Variants in BRINP3 observed in about 807,000 individuals in gnomAD.
BRINP3 encodes BMP/retinoic acid-inducible neural-specific protein 3.
In BRINP3, 19 loss-of-function variants were observed where a neutral mutation model predicts 71.0. That is an observed-to-expected ratio of 0.27 (90% CI 0.19 to 0.39). The LOEUF (loss-of-function observed/expected upper bound fraction) is 0.39, where lower values mean the gene tolerates loss of function less well. Ranked by LOEUF, BRINP3 falls within the 10% of genes least tolerant of loss-of-function variation. The pLI, the probability that BRINP3 is intolerant of heterozygous loss-of-function variation, is 1.00. For missense variants in BRINP3, 959 were observed against 940.8 expected, an observed-to-expected ratio of 1.02 and a Z score of -0.25; for synonymous variants, 380 against 337.7, an observed-to-expected ratio of 1.13 and a Z score of -1.37.
rs1327849354 is a variant in BRINP3 at position 190,113,378 on chromosome 1, AT to A, written c.1185-14245del. ...AATGTCACTTCAGTTTATTATCTTT[AT>A]TTAGAGAGGGCGGAGATTGTGGAAC... On this transcript the variant is annotated intron_variant, in intron 7 of 7. Coordinates refer to ENST00000367462, the MANE Select transcript of BRINP3 (RefSeq NM_199051.3). Among the ~76,000 whole-genome samples, 18 of 152,130 alleles carry A rather than the reference AT, an allele frequency of 1.2e-4. No homozygotes were observed. In the East Asian group the frequency reaches 3.5e-3, roughly 29 times the overall value.
At chr1:190,150,801 T>C (rs1656324245) in intron 7 of BRINP3, among the ~76,000 whole-genome samples, 1 of 152,176 alleles carries the variant, frequency 6.6e-6, no homozygotes, top group South Asian at 2.1e-4. Flanking sequence ...GATTTTAAAA[T>C]ACTAGTCTAA....
At chr1:190,220,054 T>A (rs1363849176) in intron 6 of BRINP3, among the ~76,000 whole-genome samples, 1 of 151,754 alleles carries the variant, frequency 6.6e-6, no homozygotes, top group Non-Finnish European at 1.5e-5. Context: ...AAATAAATAA[T>A]GAAAAACTGT....
intron 1 of BRINP3, among the ~76,000 whole-genome samples, chr1:190,468,753 G>A (rs1169045012): frequency 1.3e-5 from 2 of 150,974 alleles, no homozygotes; most frequent in Admixed American, 1.3e-4. Context: ...GGAGGCTTAT[G>A]AATCCATAAA....
At chr1:190,465,104 T>G (rs1240704483) in intron 1 of BRINP3, among the ~76,000 whole-genome samples, 4 of 152,064 alleles carry the variant, frequency 2.6e-5, no homozygotes, top group African/African-American at 9.6e-5. Flanking sequence ...GAAATTATTC[T>G]TAAGAGCCCC....
intron 7 of BRINP3, among the ~76,000 whole-genome samples, chr1:190,125,985 A>G (rs957836800): frequency 8.1e-6 from 1 of 123,934 alleles, no homozygotes; most frequent in Non-Finnish European, 1.8e-5. Flanking sequence ...TACCAGCTAT[A>G]AAAGGCCTTC....
intron 6 of BRINP3, among the ~76,000 whole-genome samples, chr1:190,172,155 C>T (rs1265396364): frequency 1.4e-5 from 2 of 146,736 alleles, no homozygotes; most frequent in African/African-American, 5.1e-5. Context: ...TATAGTGGAA[C>T]TGCCTACTAG....
chr1:190,471,988 A>G (rs960655346), intron 1 of BRINP3, among the ~76,000 whole-genome samples: 1 of 151,558 alleles, frequency 6.6e-6, no homozygotes, highest in Non-Finnish European at 1.5e-5. Flanking sequence ...ACCACTGACC[A>G]AGAAGATTTG....
At chr1:190,461,803 C>T (rs1036018753) in intron 1 of BRINP3, among the ~76,000 whole-genome samples, 4 of 152,094 alleles carry the variant, frequency 2.6e-5, no homozygotes, top group African/African-American at 9.7e-5. Flanking sequence ...ATGAAAATAG[C>T]TTTGGCAGTT....
At chr1:190,391,289 T>C (rs1354214153) in intron 2 of BRINP3, among the ~76,000 whole-genome samples, 2 of 151,816 alleles carry the variant, frequency 1.3e-5, no homozygotes, top group Non-Finnish European at 2.9e-5. Context: ...GACAGTATTA[T>C]GGAGAATAAG....
At chr1:190,404,892 A>AAAT (rs1672161455) in intron 2 of BRINP3, among the ~76,000 whole-genome samples, 1 of 152,160 alleles carries the variant, frequency 6.6e-6, no homozygotes, top group Non-Finnish European at 1.5e-5. Context: ...CAGTTTGTCA[A>AAAT]CTGGCTTTAA....
intron 2 of BRINP3, among the ~76,000 whole-genome samples, chr1:190,366,635 G>C (rs1466067788): frequency 1.3e-5 from 2 of 152,094 alleles, no homozygotes; most frequent in African/African-American, 4.8e-5. Flanking sequence ...TCTGAGACAA[G>C]GCAAGTTCTT....
At position 190,462,197 on chromosome 1, in the gene BRINP3, A is replaced by ACAC. The variant is rs1405606251; in HGVS notation, c.-50-7260_-50-7258dup. Among the ~76,000 whole-genome samples the ACAC allele has an allele frequency of 6.6e-5, 10 of 152,220 alleles. No individual in the cohort carries two copies. The East Asian group carries it at 1.9e-3, about 29-fold the overall frequency. On this transcript the variant is annotated intron_variant, in intron 1 of 7. Coordinates refer to ENST00000367462, the MANE Select transcript of BRINP3 (RefSeq NM_199051.3). The stretch of plus-strand genomic sequence containing the variant: ...AAAGTGCTGGGATTACAGGCATGAG[A>ACAC]CACCATACCTGGCCCAAAGCAAGAT...
chr1:190,377,808 A>G (rs961651302), intron 2 of BRINP3, among the ~76,000 whole-genome samples: 1 of 151,908 alleles, frequency 6.6e-6, no homozygotes, highest in Non-Finnish European at 1.5e-5. Flanking sequence ...AATTACTTAG[A>G]AATAAATTTA....
intron 2 of BRINP3, among the ~76,000 whole-genome samples, chr1:190,374,909 A>G (rs1670091277): frequency 6.6e-6 from 1 of 152,160 alleles, no homozygotes; most frequent in East Asian, 1.9e-4. Flanking sequence ...TTTTGGAAAC[A>G]AGGTCAACAA....
At chr1:190,104,999 T>A (rs1557970362) in intron 7 of BRINP3, among the ~76,000 whole-genome samples, 1 of 152,136 alleles carries the variant, frequency 6.6e-6, no homozygotes, top group Non-Finnish European at 1.5e-5. Context: ...AGATTTGTTA[T>A]TCTCAGACAT....
At chr1:190,376,099 G>GT (rs552659249) in intron 2 of BRINP3, among the ~76,000 whole-genome samples, 61 of 151,898 alleles carry the variant, frequency 4.0e-4, no homozygotes, top group Middle Eastern at 6.8e-3. Flanking sequence ...ACAGAACAGT[G>GT]TAACTACAGA....
chr1:190,423,783 G>T (rs1673530488), intron 2 of BRINP3, among the ~76,000 whole-genome samples: 1 of 151,568 alleles, frequency 6.6e-6, no homozygotes, highest in Admixed American at 6.6e-5. Flanking sequence ...CACAACTCCT[G>T]GCACTGGTGC....
At chr1:190,248,452 C>T (rs1659816584) in intron 4 of BRINP3, among the ~76,000 whole-genome samples, 1 of 151,432 alleles carries the variant, frequency 6.6e-6, no homozygotes, top group Admixed American at 6.6e-5. Flanking sequence ...AATGTGCCAC[C>T]TGCCCATTAA....
chr1:190,299,645 C>G (rs1290354249), intron 2 of BRINP3, among the ~76,000 whole-genome samples: 1 of 138,648 alleles, frequency 7.2e-6, no homozygotes, highest in African/African-American at 2.7e-5. Context: ...CATGTGTTCT[C>G]ATTGTTCAAT....
Sources: gnomAD v4.1 joint callset for allele counts (sites outside exome capture counted in the v4.1 genomes callset) on GRCh38, gnomAD v4.1.1 for gene constraint, MANE v1.5 for transcripts, NCBI Gene and HGNC (gene_info 2026-07-23, HGNC 2026-07-21) for gene names.